The following MAS1 variants were observed in gnomAD, a reference collection of about 807,000 sequenced individuals.
MAS1 encodes the protein MAS1 proto-oncogene, G protein-coupled receptor, also known as proto-oncogene Mas.
For missense variants in MAS1, 387 were observed against 409.7 expected, an observed-to-expected ratio of 0.94 and a Z score of 0.48; for synonymous variants, 163 against 164.2, an observed-to-expected ratio of 0.99 and a Z score of 0.05.
intron 1 of MAS1, among the ~76,000 whole-genome samples, chr6:159,895,207 G>A (rs985171811): frequency 6.6e-6 from 1 of 152,134 alleles, no homozygotes; most frequent in African/African-American, 2.4e-5. Context: ...GCAGGGGAGG[G>A]CTAGAAATAG....
intron 1 of MAS1, among the ~76,000 whole-genome samples, chr6:159,897,217 C>G (rs574299339): frequency 1.3e-5 from 2 of 151,982 alleles, no homozygotes; most frequent in African/African-American, 4.8e-5. Context: ...GTGTAGGGCA[C>G]CAGGGAATGT....
At chr6:159,898,000 C>A (rs1266910739) in intron 1 of MAS1, among the ~76,000 whole-genome samples, 5 of 151,906 alleles carry the variant, frequency 3.3e-5, no homozygotes, top group African/African-American at 1.2e-4. Flanking sequence ...TCAAGTGGTT[C>A]TCCTGCCTCT....
intron 2 of MAS1, among the ~76,000 whole-genome samples, chr6:159,901,853 T>TAA (rs35452379): frequency 1.8e-4 from 25 of 137,806 alleles, no homozygotes; most frequent in African/African-American, 5.2e-4. Context: ...ACCCTATCTC[T>TAA]AAAAAAAAAA....
Position 159,913,030 on chromosome 6 carries a change from C to G in MAS1, c.*5097C>G, listed in dbSNP as rs1234035182. ...CTTTAGATATTTTTGCAAAAATTAC[C>G]CACTTTTTGATGTTCAGCAAAAGTA... is the stretch of plus-strand genomic sequence containing the variant. On this transcript the variant is annotated 3_prime_UTR_variant, in exon 3 of 3. Transcript: ENST00000674077. 6.6e-6 allele frequency: 1 copy of G among 152,096 alleles called. No individual in the cohort carries two copies. The highest frequency in any genetic ancestry group is 1.5e-5 in the Non-Finnish European group (1 of 68,012). The allele number at this position is 152,096 out of a possible 1,614,324, so 9.4% of individuals were successfully genotyped here.
intron 2 of MAS1, 98 bp from the exon 3 acceptor site, chr6:159,906,822 C>A: frequency 1.0e-6 from 1 of 955,528 alleles, no homozygotes; most frequent in Non-Finnish European, 1.5e-6. Context: ...TTTTTAATAA[C>A]ATGAAGATTA....
At chr6:159,903,604 T>C (rs1383339327) in intron 2 of MAS1, among the ~76,000 whole-genome samples, 3 of 152,152 alleles carry the variant, frequency 2.0e-5, no homozygotes, top group Non-Finnish European at 1.5e-5. Context: ...GTAAAAGAGA[T>C]ACTGCACTTT....
intron 2 of MAS1, 172 bp from the exon 3 acceptor site, chr6:159,906,748 A>T: frequency 5.5e-6 from 3 of 547,904 alleles, no homozygotes; most frequent in Middle Eastern, 9.7e-4. Flanking sequence ...TTCCTTTCTT[A>T]TCAGGTCCTA....
intron 2 of MAS1, among the ~76,000 whole-genome samples, chr6:159,904,884 C>T (rs868611859): frequency 2.0e-5 from 3 of 152,212 alleles, no homozygotes; most frequent in East Asian, 1.9e-4. Flanking sequence ...TCTGGAACTT[C>T]GAACTTGCTG....
upstream of MAS1, among the ~76,000 whole-genome samples, chr6:159,890,457 C>G (rs532505829): frequency 9.9e-4 from 151 of 152,264 alleles, 1 homozygote; most frequent in African/African-American, 3.6e-3. Context: ...CCTTGGCTTG[C>G]TTGCTTTTCA....
chr6:159,897,582 G>A (rs935305815), intron 1 of MAS1, among the ~76,000 whole-genome samples: 1 of 152,130 alleles, frequency 6.6e-6, no homozygotes, highest in Non-Finnish European at 1.5e-5. Context: ...GGCTGTTATT[G>A]TCTTTGTTTC....
Position 159,907,178 on chromosome 6 carries a change from A to G in MAS1, c.223A>G (p.Ile75Val). Residue 75 changes from isoleucine to valine, a missense_variant, in exon 3 of 3, where the codon ATC (isoleucine) becomes GTC (valine). Coordinates refer to ENST00000674077, the MANE Select transcript of MAS1 (RefSeq NM_002377.4). ...CACTGTCTACATCACCCACCTGTCTATCGCAGACATCTCACTGCTCTTCTG... is the reference window on the plus strand; with the variant it reads ...CACTGTCTACATCACCCACCTGTCTGTCGCAGACATCTCACTGCTCTTCTG... The part of the protein sequence containing the change: ...PFTVYITHLS[I>V]ADISLLFCIF... The G allele has an allele frequency of 6.2e-7, 1 of 1,614,206 alleles. No homozygotes were observed. The highest frequency in any genetic ancestry group is 8.5e-7 in the Non-Finnish European group (1 of 1,180,034).
intron 2 of MAS1, among the ~76,000 whole-genome samples, chr6:159,905,513 G>A (rs1432845713): frequency 2.6e-5 from 4 of 152,140 alleles, no homozygotes; most frequent in Admixed American, 6.5e-5. Context: ...GGATCACATC[G>A]CTGGAAGGAA....
chr6:159,906,126 T>C (rs1430741110), intron 2 of MAS1, among the ~76,000 whole-genome samples: 1 of 152,024 alleles, frequency 6.6e-6, no homozygotes, highest in African/African-American at 2.4e-5. Flanking sequence ...CACATACACA[T>C]GCATGCACAC....
rs1204198100 is a variant in MAS1, at chr6:159,910,255, A to AT, written c.*2322_*2323insT. 6.6e-6 allele frequency: 1 copy of AT among 152,240 alleles called. No homozygotes were observed. The highest frequency in any genetic ancestry group is 1.5e-5 in the Non-Finnish European group (1 of 68,042). 9.4% of individuals were successfully genotyped at this position (152,240 alleles called of 1,614,324 possible). A position where few individuals can be genotyped will look rare whatever the true frequency, so the allele number is the denominator to read the frequency against. On this transcript the variant is annotated 3_prime_UTR_variant, in exon 3 of 3. Coordinates refer to ENST00000674077, the MANE Select transcript of MAS1 (RefSeq NM_002377.4). ...ATTCATGCACAGCCTTCTCTGCAGA[A>AT]CACCATGATGTGGACAAGGCAAAGA...
chr6:159,901,848 A>G (rs1346283509), intron 2 of MAS1, among the ~76,000 whole-genome samples: 2 of 131,108 alleles, frequency 1.5e-5, no homozygotes, highest in African/African-American at 2.8e-5. Context: ...GCAAGACCCT[A>G]TCTCTAAAAA....
rs187149001 is a variant in MAS1 at position 159,899,975 on chromosome 6, G to A, written c.-37+583G>A. Among the ~76,000 whole-genome samples, 149 of 152,274 alleles carry A rather than the reference G, an allele frequency of 9.8e-4. 1 individual carries two copies. Among genetic ancestry groups the A allele is most frequent in the Middle Eastern group, 6.8e-3 (2 of 294 alleles). On this transcript the variant is annotated intron_variant, in intron 2 of 2. Coordinates refer to ENST00000674077, the MANE Select transcript of MAS1 (RefSeq NM_002377.4). Reference sequence around the variant, plus strand: ...GCAGGAGAATCGCTTGAACTCGGGTGGGAGAGGTTGCAGTGAGACGAGATC... The same window carrying A: ...GCAGGAGAATCGCTTGAACTCGGGTAGGAGAGGTTGCAGTGAGACGAGATC...
intron 1 of MAS1, among the ~76,000 whole-genome samples, chr6:159,895,052 C>G (rs1298146828): frequency 6.6e-6 from 1 of 152,050 alleles, no homozygotes; most frequent in Non-Finnish European, 1.5e-5. Context: ...TACTAACAAC[C>G]CAGTTGATTG....
intron 1 of MAS1, among the ~76,000 whole-genome samples, chr6:159,896,937 G>A (rs1325470302): frequency 2.0e-5 from 3 of 151,928 alleles, no homozygotes; most frequent in Admixed American, 6.6e-5. Context: ...GCAGTGGCTC[G>A]TTCTTGGCTC....
rs1397844486 is a variant in MAS1 at position 159,908,662 on chromosome 6, A to G, written c.*729A>G. The G allele has an allele frequency of 3.3e-5, 5 of 152,026 alleles. No individual in the cohort carries two copies. Among genetic ancestry groups the G allele is most frequent in the African/African-American group, 7.3e-5 (3 of 41,378 alleles). The allele number at this position is 152,026 out of a possible 1,614,324, so 9.4% of individuals were successfully genotyped here. A position where few individuals can be genotyped will look rare whatever the true frequency, so the allele number is the denominator to read the frequency against. ...CATGGCATTACACCTCTATTGAAAAACATCGCGGATGTTATGATCTAACAA... is the reference window on the plus strand; with the variant it reads ...CATGGCATTACACCTCTATTGAAAAGCATCGCGGATGTTATGATCTAACAA... On this transcript the variant is annotated 3_prime_UTR_variant, in exon 3 of 3. Coordinates refer to ENST00000674077, the MANE Select transcript of MAS1 (RefSeq NM_002377.4).
Sources: allele counts gnomAD v4.1 joint callset (sites outside exome capture counted in the v4.1 genomes callset), GRCh38; gene constraint gnomAD v4.1.1; transcripts MANE v1.5; gene names NCBI Gene and HGNC (gene_info 2026-07-23, HGNC 2026-07-21).